The following TNRC6A variants were observed in gnomAD, a reference collection of about 807,000 sequenced individuals.
TNRC6A encodes the protein trinucleotide repeat containing adaptor 6A.
Under a neutral mutation model 221.2 loss-of-function variants are expected in TNRC6A, and 44 were observed. That is an observed-to-expected ratio of 0.20 (90% CI 0.16 to 0.26). The LOEUF is 0.26. TNRC6A is among the 10% of genes least tolerant of loss of function. The pLI is 1.00. For synonymous variants in TNRC6A, 847 were observed against 838.5 expected (o/e 1.01, Z -0.18); for missense variants, 2,199 against 2,404.4 (o/e 0.91, Z 1.79).
intron 5 of TNRC6A, among the ~76,000 whole-genome samples, chr16:24,779,806 TTTTTG>T (rs1335349945): frequency 3.9e-5 from 6 of 152,092 alleles, no homozygotes. Flanking sequence ...TTGGCTTGGT[TTTTTG>T]TTTTGTTTTG....
At chr16:24,686,625 A>G (rs1281343398) in intron 2 of TNRC6A, among the ~76,000 whole-genome samples, 1 of 152,160 alleles carries the variant, frequency 6.6e-6, no homozygotes, top group African/African-American at 2.4e-5. Context: ...TAAGCGCCAA[A>G]ATGATGTTGG....
intron 2 of TNRC6A, among the ~76,000 whole-genome samples, chr16:24,717,520 G>A (rs1052025139): frequency 8.5e-5 from 13 of 152,208 alleles, no homozygotes; most frequent in Admixed American, 1.3e-4. Context: ...CTTTATCCTC[G>A]GTGAAACAAT....
chr16:24,703,035 A>AAAAATAAAATAAAAT lies in TNRC6A; in HGVS notation n.403-47662_403-47648dup, dbSNP rs71156434. 9.6e-3 allele frequency among the ~76,000 whole-genome samples: 1,418 copies of AAAAATAAAATAAAAT among 147,884 alleles called. 13 individuals are homozygous for AAAAATAAAATAAAAT. Among genetic ancestry groups the AAAAATAAAATAAAAT allele is most frequent in the Non-Finnish European group, 0.014 (952 of 67,366 alleles). ...GGGTGACAGTGCGAGACTCTGTGTC[A>AAAAATAAAATAAAAT]AAAATAAAATAAAATAAAATAAAAT... On this transcript the variant is annotated intron_variant and non_coding_transcript_variant, in intron 2 of 2. Coordinates refer to the TNRC6A transcript ENST00000566108.
rs112610295 is a variant in TNRC6A, at chr16:24,823,578, G to A, written c.5660G>A (p.Cys1887Tyr). The stretch of plus-strand genomic sequence containing the variant: ...CAGAGCCGGCTGGGCTCCCTCGACT[G>A]TTCCCACTCATTCTCCAGCCGGACC... The part of the protein sequence containing the change: ...SSQSRLGSLD[C>Y]SHSFSSRTDL... Residue 1887 changes from cysteine (C) to tyrosine (Y), a missense_variant, in exon 25 of 25, where the codon TGT (cysteine) becomes TAT (tyrosine). This residue lies in a region of TNRC6A where 130 missense variants were observed against 121.7 expected (regional missense o/e 1.07). Coordinates refer to ENST00000395799, the MANE Select transcript of TNRC6A (RefSeq NM_014494.4). This position sits in a 1 kb window ranked among gnomAD's most constrained non-coding sequence, Gnocchi z 4.3. 1 of 1,614,144 alleles carries A rather than the reference G, an allele frequency of 6.2e-7. No homozygotes were observed.
At chr16:24,768,092 G>A (rs886433756) in intron 4 of TNRC6A, among the ~76,000 whole-genome samples, 2 of 152,126 alleles carry the variant, frequency 1.3e-5, no homozygotes, top group African/African-American at 2.4e-5. Context: ...GTACTTTTAT[G>A]TTATGGAAGA....
intron 2 of TNRC6A, among the ~76,000 whole-genome samples, chr16:24,695,622 A>G (rs549809470): frequency 1.3e-5 from 2 of 151,460 alleles, no homozygotes; most frequent in South Asian, 4.2e-4. Context: ...CTGGTCTCGA[A>G]CTCCTGACCT....
chr16:24,748,776 T>A (rs927813391), intron 2 of TNRC6A, among the ~76,000 whole-genome samples: 1 of 152,180 alleles, frequency 6.6e-6, no homozygotes, highest in Non-Finnish European at 1.5e-5. Context: ...TCCTTTTATC[T>A]TCTTCAACAT....
At chr16:24,732,528 A>G (rs889683530) in intron 2 of TNRC6A, among the ~76,000 whole-genome samples, 5 of 152,202 alleles carry the variant, frequency 3.3e-5, no homozygotes, top group Admixed American at 1.3e-4. Flanking sequence ...CAGATGGAGA[A>G]TTTGATGTAT....
At chr16:24,703,563 T>C (rs1315831258) in intron 2 of TNRC6A, among the ~76,000 whole-genome samples, 1 of 152,116 alleles carries the variant, frequency 6.6e-6, no homozygotes, top group African/African-American at 2.4e-5. Context: ...TAAATTAATA[T>C]ATAAAAACAA....
intron 2 of TNRC6A, among the ~76,000 whole-genome samples, chr16:24,648,570 C>T (rs942019367): frequency 6.6e-6 from 1 of 152,028 alleles, no homozygotes; most frequent in South Asian, 2.1e-4. Context: ...GCGCCCGGCC[C>T]ACAGCAACCA....
At chr16:24,762,268 ATAT>A in intron 4 of TNRC6A, among the ~76,000 whole-genome samples, 1 of 152,260 alleles carries the variant, frequency 6.6e-6, no homozygotes. Flanking sequence ...TCTAGCCTTA[ATAT>A]TTGTTTTTCT....
chr16:24,823,426 C>G lies in TNRC6A; in HGVS notation c.5514-6C>G, dbSNP rs202131655. On this transcript the variant is annotated splice_region_variant and splice_polypyrimidine_tract_variant and intron_variant, in intron 24 of 24. Transcript: ENST00000395799. This position sits in a 1 kb window ranked among gnomAD's most constrained non-coding sequence, Gnocchi z 4.3. ...CTCACGTGTCCGCGGTGCCTCTCTC[C>G]TCTAGGTGTGTACTGGGGAACACTA... is the stretch of plus-strand genomic sequence containing the variant. The G allele has an allele frequency of 2.5e-5, 40 of 1,607,534 alleles. No homozygotes were observed. The Admixed American group carries it at 5.0e-4, about 20-fold the overall frequency.
chr16:24,656,908 T>G (rs953274324), intron 2 of TNRC6A, among the ~76,000 whole-genome samples: 2 of 152,186 alleles, frequency 1.3e-5, no homozygotes, highest in Non-Finnish European at 1.5e-5. Context: ...TGACCCAAAG[T>G]AGCAGGTAGA....
At chr16:24,764,565 C>T (rs1056918784) in intron 4 of TNRC6A, among the ~76,000 whole-genome samples, 6 of 151,992 alleles carry the variant, frequency 3.9e-5, no homozygotes, top group African/African-American at 1.2e-4. Context: ...TCAAATGATC[C>T]GCCCACCTAG....
Position 24,797,535 on chromosome 16 carries a change from C to T in TNRC6A, c.3607C>T (p.Pro1203Ser), listed in dbSNP as rs749593212. The T allele has an allele frequency of 1.2e-6, 2 of 1,611,812 alleles. No homozygotes were observed. Among genetic ancestry groups the T allele is most frequent in the Non-Finnish European group, 1.7e-6 (2 of 1,179,330 alleles). ...CAAACAAGAAGAAGCGTGGATAAAT[C>T]CATTTGTTAAACAGTTTTCAAACAT... is the stretch of plus-strand genomic sequence containing the variant. ...GNKQEEAWIN[P>S]FVKQFSNISF... The change falls in exon 10 of 25, where the codon CCA (proline) becomes TCA (serine). Residue 1203 changes from proline (P) to serine (S), a missense_variant. Pro to Ser is a moderately conservative substitution (Grantham distance 74, BLOSUM62 -1). Transcript: ENST00000395799.
intron 1 of TNRC6A, among the ~76,000 whole-genome samples, chr16:24,631,215 G>A (rs9931720): frequency 2.2e-4 from 33 of 152,062 alleles, no homozygotes; most frequent in African/African-American, 7.9e-4. Flanking sequence ...TAAACATATG[G>A]TGTGTAGATC....
intron 2 of TNRC6A, among the ~76,000 whole-genome samples, chr16:24,730,618 T>C (rs1331421412): frequency 1.3e-5 from 2 of 152,116 alleles, no homozygotes; most frequent in Non-Finnish European, 2.9e-5. Context: ...GCAGGCATTG[T>C]GTGACTCATG....
Position 24,794,629 on chromosome 16 carries a change from T to C in TNRC6A, c.3438T>C (p.Asp1146=). The change falls in exon 8 of 25, where the codon GAT becomes GAC. Residue 1146 remains aspartate (D), a synonymous_variant. Transcript: ENST00000395799. The part of the protein sequence containing the change: ...NRPTGWEEEE[D]VEIGMWNSNS... ...CCACTGGCTGGGAAGAGGAAGAGGA[T>C]GTGGAGATTGGAATGTGGAATAGTA... 6.2e-7 allele frequency: 1 copy of C among 1,614,080 alleles called. No individual in the cohort carries two copies. Among genetic ancestry groups the C allele is most frequent in the Non-Finnish European group, 8.5e-7 (1 of 1,179,958 alleles).
rs553837294 is a variant in TNRC6A, at chr16:24,824,903, T to A, written c.*1096T>A. The A allele has an allele frequency of 1.9e-4, 29 of 152,736 alleles. No homozygotes were observed. The highest frequency in any genetic ancestry group is 3.4e-3 in the Middle Eastern group (1 of 294). The allele number at this position is 152,736 out of a possible 1,614,324, so 9.5% of individuals were successfully genotyped here. A position where few individuals can be genotyped will look rare whatever the true frequency, so the allele number is the denominator to read the frequency against. The stretch of plus-strand genomic sequence containing the variant: ...AAAAAAAGAAAAAACAAAAAAACGC[T>A]TAAAGCTGGAGTTTGACATTCTGCT... On this transcript the variant is annotated 3_prime_UTR_variant, in exon 25 of 25. Coordinates refer to ENST00000395799, the MANE Select transcript of TNRC6A (RefSeq NM_014494.4).
Sources: allele counts gnomAD v4.1 joint callset (sites outside exome capture counted in the v4.1 genomes callset), GRCh38; gene constraint gnomAD v4.1.1; regional missense constraint gnomAD v4.1.1; non-coding constraint Gnocchi (gnomAD v3.1); transcripts MANE v1.5; gene names NCBI Gene and HGNC (gene_info 2026-07-23, HGNC 2026-07-21).